SCN4B: variants seen among roughly 807,000 people sequenced by gnomAD.
The protein encoded by SCN4B is sodium channel regulatory subunit beta-4.
Under a neutral mutation model 19.6 loss-of-function variants are expected in SCN4B, and 20 were observed. The observed-to-expected ratio is 1.02, with a 90% confidence interval of 0.72 to 1.48. The LOEUF (loss-of-function observed/expected upper bound fraction) is 1.48, where lower values mean the gene tolerates loss of function less well. SCN4B is among the 40% of genes most tolerant of loss of function. SCN4B has a pLI of 0.00. For missense variants in SCN4B, 271 were observed against 287.5 expected, an observed-to-expected ratio of 0.94 and a Z score of 0.42; for synonymous variants, 127 against 122.8, an observed-to-expected ratio of 1.03 and a Z score of -0.22.
intron 3 of SCN4B, among the ~76,000 whole-genome samples, chr11:118,143,548 T>C (rs1948127143): frequency 6.6e-6 from 1 of 152,200 alleles, no homozygotes; most frequent in Admixed American, 6.5e-5. Context: ...CACAAAACAC[T>C]ACCAGGTAGC....
In SCN4B at chr11:118,133,925, T is replaced by G; in HGVS notation, c.*3102A>C. On this transcript the variant is annotated 3_prime_UTR_variant, in exon 5 of 5. Coordinates refer to ENST00000324727, the MANE Select transcript of SCN4B (RefSeq NM_174934.4). ...GCCAAGAAAGACGGCTCCTCAAATG[T>G]CCAGCATCTGCCCATCATGCATCAC... 1 of 454,516 alleles carries G rather than the reference T, an allele frequency of 2.2e-6. No individual in the cohort carries two copies. Among genetic ancestry groups the G allele is most frequent in the South Asian group, 1.6e-5 (1 of 64,482 alleles). The allele number at this position is 454,516 out of a possible 1,614,324, so 28.2% of individuals were successfully genotyped here. A position where few individuals can be genotyped will look rare whatever the true frequency, so the allele number is the denominator to read the frequency against.
chr11:118,147,148 ACGGTGCGAGAGG>A (rs1401163110), intron 1 of SCN4B, among the ~76,000 whole-genome samples: 4 of 152,216 alleles, frequency 2.6e-5, no homozygotes, highest in Admixed American at 6.5e-5. Context: ...TTTGAGAACC[ACGGTGCGAGAGG>A]ATTTGTGCAT....
intron 4 of SCN4B, among the ~76,000 whole-genome samples, chr11:118,137,406 C>A (rs375575486): frequency 6.6e-6 from 1 of 152,206 alleles, no homozygotes; most frequent in South Asian, 2.1e-4. Flanking sequence ...TGCGGTGGCT[C>A]ACACCTGTAA....
rs1313588433 is a variant in SCN4B, at chr11:118,134,375, G to A, written c.*2652C>T. Reference sequence around the variant, plus strand: ...CCCTGGAAGCCACCATCAGAGATTTGCATGCACTGAGGTTCCACTTGGGGA... The same window carrying A: ...CCCTGGAAGCCACCATCAGAGATTTACATGCACTGAGGTTCCACTTGGGGA... On this transcript the variant is annotated 3_prime_UTR_variant, in exon 5 of 5. Transcript: ENST00000324727. 2.2e-6 allele frequency: 1 copy of A among 454,010 alleles called. No homozygotes were observed. The highest frequency in any genetic ancestry group is 2.0e-5 in the African/African-American group (1 of 50,008). 28.1% of individuals were successfully genotyped at this position (454,010 alleles called of 1,614,324 possible).
In SCN4B at chr11:118,136,816, C is replaced by A. The variant is rs1422830112; in HGVS notation, c.*211G>T. ...CTTTCTCCTGAATCTTCCACAGACC[C>A]CCTCCCCTGGCCATCCCTTGTCCCT... is the stretch of plus-strand genomic sequence containing the variant. On this transcript the variant is annotated 3_prime_UTR_variant, in exon 5 of 5. Coordinates refer to ENST00000324727, the MANE Select transcript of SCN4B (RefSeq NM_174934.4). The A allele has an allele frequency of 3.0e-6, 2 of 674,296 alleles. No homozygotes were observed. Among genetic ancestry groups the A allele is most frequent in the Non-Finnish European group, 2.7e-6 (1 of 367,404 alleles). 41.8% of individuals were successfully genotyped at this position (674,296 alleles called of 1,614,324 possible).
Position 118,152,006 on chromosome 11 carries a change from C to T in SCN4B, c.61+607G>A, listed in dbSNP as rs570872378. 1.3e-4 allele frequency among the ~76,000 whole-genome samples: 20 copies of T among 152,306 alleles called. 1 individual carries two copies. In the South Asian group the frequency reaches 3.7e-3, roughly 28 times the overall value. On this transcript the variant is annotated intron_variant, in intron 1 of 4. Transcript: ENST00000324727. Reference sequence around the variant, plus strand: ...CTCTTTGTAGGAAGAGAGACAAGGCCGTTCCTAAAGGGCCTTGAATGATCC... The same window carrying T: ...CTCTTTGTAGGAAGAGAGACAAGGCTGTTCCTAAAGGGCCTTGAATGATCC...
Position 118,134,950 on chromosome 11 carries a change from TG to T in SCN4B, c.*2076del. 1 of 454,106 alleles carries T rather than the reference TG, an allele frequency of 2.2e-6. No homozygotes were observed. The highest frequency in any genetic ancestry group is 1.6e-5 in the South Asian group (1 of 64,476). The allele number at this position is 454,106 out of a possible 1,614,324, so 28.1% of individuals were successfully genotyped here. Reference sequence around the variant, plus strand: ...CCATCTAGAAATCAGCAGTAGACCCTGGGGAGGAAAGAGAGGATGGTGCCCT... The same window carrying T: ...CCATCTAGAAATCAGCAGTAGACCCTGGGAGGAAAGAGAGGATGGTGCCCT... On this transcript the variant is annotated 3_prime_UTR_variant, in exon 5 of 5. Coordinates refer to ENST00000324727, the MANE Select transcript of SCN4B (RefSeq NM_174934.4).
Position 118,134,796 on chromosome 11 carries a change from C to T in SCN4B, c.*2231G>A, listed in dbSNP as rs186022982. 117 of 454,066 alleles carry T rather than the reference C, an allele frequency of 2.6e-4. No homozygotes were observed. Among genetic ancestry groups the T allele is most frequent in the African/African-American group, 2.2e-3 (111 of 50,102 alleles). The allele number at this position is 454,066 out of a possible 1,614,324, so 28.1% of individuals were successfully genotyped here. A position where few individuals can be genotyped will look rare whatever the true frequency, so the allele number is the denominator to read the frequency against. ...GCAATTAATACCTGGCTTCCCAGAT[C>T]CCTTTCCAAGCCAAAAAGATGTTTT... On this transcript the variant is annotated 3_prime_UTR_variant, in exon 5 of 5. Transcript: ENST00000324727.
intron 4 of SCN4B, among the ~76,000 whole-genome samples, chr11:118,138,872 A>G (rs1428873629): frequency 2.0e-5 from 3 of 152,132 alleles, no homozygotes; most frequent in Non-Finnish European, 4.4e-5. Context: ...TTCAGAATCA[A>G]TGGTGAGATG....
At position 118,134,691 on chromosome 11, in the gene SCN4B, A is replaced by G; in HGVS notation, c.*2336T>C. The G allele has an allele frequency of 2.2e-6, 1 of 453,978 alleles. No homozygotes were observed. The highest frequency in any genetic ancestry group is 2.0e-5 in the African/African-American group (1 of 49,990). 28.1% of individuals were successfully genotyped at this position (453,978 alleles called of 1,614,324 possible). A position where few individuals can be genotyped will look rare whatever the true frequency, so the allele number is the denominator to read the frequency against. On this transcript the variant is annotated 3_prime_UTR_variant, in exon 5 of 5. Transcript: ENST00000324727. The stretch of plus-strand genomic sequence containing the variant: ...AGGGGGGTGGGATGGAAAGAAAGAG[A>G]GAGAGAGTGTGTGTGTCTGTATGTG...
At chr11:118,146,974 T>C (rs140695439) in intron 1 of SCN4B, among the ~76,000 whole-genome samples, 27 of 152,332 alleles carry the variant, frequency 1.8e-4, no homozygotes, top group African/African-American at 6.0e-4. Flanking sequence ...CAGGATTTGT[T>C]CTAGAGCCAT....
At position 118,133,985 on chromosome 11, in the gene SCN4B, C is replaced by T. The variant is rs181830786; in HGVS notation, c.*3042G>A. On this transcript the variant is annotated 3_prime_UTR_variant, in exon 5 of 5. Coordinates refer to ENST00000324727, the MANE Select transcript of SCN4B (RefSeq NM_174934.4). The stretch of plus-strand genomic sequence containing the variant: ...GCAGAGCCCATCCACTCCACAGTTA[C>T]GCTGCCATGCACCCACACTGCCTGC... The T allele has an allele frequency of 3.8e-4, 172 of 454,696 alleles. No individual in the cohort carries two copies. Among genetic ancestry groups the T allele is most frequent in the African/African-American group, 2.6e-3 (130 of 50,134 alleles). 28.2% of individuals were successfully genotyped at this position (454,696 alleles called of 1,614,324 possible).
At position 118,152,685 on chromosome 11, in the gene SCN4B, C is replaced by T; in HGVS notation, c.-12G>A. Reference sequence around the variant, plus strand: ...CCAGCCCCGGGCATAGTCCTGTTCTCTCCGGAGCGCGCGGGGGTCGCGGGG... The same window carrying T: ...CCAGCCCCGGGCATAGTCCTGTTCTTTCCGGAGCGCGCGGGGGTCGCGGGG... On this transcript the variant is annotated 5_prime_UTR_variant, in exon 1 of 5. Transcript: ENST00000324727. 1.3e-6 allele frequency: 2 copies of T among 1,580,486 alleles called. No individual in the cohort carries two copies. The highest frequency in any genetic ancestry group is 1.1e-5 in the South Asian group (1 of 88,804).
rs1195026700 is a variant in SCN4B, at chr11:118,137,165, A to G, written c.594-45T>C. The G allele has an allele frequency of 2.1e-6, 3 of 1,410,766 alleles. No individual in the cohort carries two copies. In the African/African-American group the frequency reaches 4.2e-5, roughly 20 times the overall value. 87.4% of individuals were successfully genotyped at this position (1,410,766 alleles called of 1,614,324 possible). A position where few individuals can be genotyped will look rare whatever the true frequency, so the allele number is the denominator to read the frequency against. On this transcript the variant is annotated intron_variant, in intron 4 of 4. Coordinates refer to ENST00000324727, the MANE Select transcript of SCN4B (RefSeq NM_174934.4). ...GGACAGTGGTGAGGAGAGGAGCAAG[A>G]GTAGGGGGAGAATTGTGGCAGGAGC...
At position 118,135,102 on chromosome 11, in the gene SCN4B, TAAG is replaced by T. The variant is rs917969849; in HGVS notation, c.*1922_*1924del. 8 of 454,126 alleles carry T rather than the reference TAAG, an allele frequency of 1.8e-5. No homozygotes were observed. Among genetic ancestry groups the T allele is most frequent in the African/African-American group, 1.4e-4 (7 of 50,128 alleles). 28.1% of individuals were successfully genotyped at this position (454,126 alleles called of 1,614,324 possible). ...AAACAGTTTTGCATGAAGGTAGCTA[TAAG>T]AAGTTTTCTGAATGGCTGGTGGCTC... On this transcript the variant is annotated 3_prime_UTR_variant, in exon 5 of 5. Transcript: ENST00000324727.
chr11:118,144,953 T>A, intron 2 of SCN4B, 104 bp downstream of exon 2: 7 of 1,179,446 alleles, frequency 5.9e-6, no homozygotes, highest in Non-Finnish European at 7.6e-6. Flanking sequence ...AGGTGGGTTC[T>A]GGGGACCATC....
At position 118,136,042 on chromosome 11, in the gene SCN4B, G is replaced by GGGA; in HGVS notation, c.*984_*985insTCC. On this transcript the variant is annotated 3_prime_UTR_variant, in exon 5 of 5. Coordinates refer to ENST00000324727, the MANE Select transcript of SCN4B (RefSeq NM_174934.4). ...GGGCGTGATGGAGGGCACGGTGGGG[G>GGGA]GGGGGGAGCGAGCCAATGGGAGGTT... The GGGA allele has an allele frequency of 2.3e-6, 1 of 436,542 alleles. No homozygotes were observed. Among genetic ancestry groups the GGGA allele is most frequent in the South Asian group, 1.6e-5 (1 of 61,816 alleles). 27.0% of individuals were successfully genotyped at this position (436,542 alleles called of 1,614,324 possible). A position where few individuals can be genotyped will look rare whatever the true frequency, so the allele number is the denominator to read the frequency against.
chr11:118,141,058 TGG>T, intron 4 of SCN4B, 147 bp downstream of exon 4: 1 of 818,920 alleles, frequency 1.2e-6, no homozygotes, highest in Non-Finnish European at 2.0e-6. Context: ...GGCTGAGAGA[TGG>T]GGAGGGGGTG....
intron 1 of SCN4B, among the ~76,000 whole-genome samples, chr11:118,151,025 C>G (rs678262): frequency 0.46 from 70,287 of 152,024 alleles, 16,378 homozygotes; most frequent in African/African-American, 0.51. Flanking sequence ...GCCTTAGCCC[C>G]TACCTGGTCT....
Sources: gnomAD v4.1 joint callset for allele counts (sites outside exome capture counted in the v4.1 genomes callset) on GRCh38, gnomAD v4.1.1 for gene constraint, MANE v1.5 for transcripts, NCBI Gene and HGNC (gene_info 2026-07-23, HGNC 2026-07-21) for gene names.